DENND4C: variants seen among roughly 807,000 people sequenced by gnomAD.
DENND4C encodes the protein DENN domain containing 4C.
A neutral mutation model predicts 203.0 loss-of-function variants in DENND4C; 108 were observed. That is an observed-to-expected ratio of 0.53 (90% CI 0.46 to 0.62). The LOEUF (loss-of-function observed/expected upper bound fraction) is 0.62, where lower values mean the gene tolerates loss of function less well. Among genes scored for constraint, DENND4C ranks in the 20% least tolerant of loss-of-function variants. DENND4C has a pLI of 0.00. For missense variants in DENND4C, 2,481 were observed against 2,301.2 expected, an observed-to-expected ratio of 1.08 and a Z score of -1.60; for synonymous variants, 871 against 792.4, an observed-to-expected ratio of 1.10 and a Z score of -1.67.
At chr9:19,327,542 T>G (rs1180275280) in intron 15 of DENND4C, among the ~76,000 whole-genome samples, 1 of 152,044 alleles carries the variant, frequency 6.6e-6, no homozygotes, top group Non-Finnish European at 1.5e-5. Flanking sequence ...TGAAAATATT[T>G]AATTGGAGAA....
chr9:19,255,209 C>T (rs564303748), intron 1 of DENND4C, among the ~76,000 whole-genome samples: 1 of 152,056 alleles, frequency 6.6e-6, no homozygotes, highest in South Asian at 2.1e-4. Flanking sequence ...TCAAGACCAG[C>T]TTGGGTAGCA....
intron 20 of DENND4C, chr9:19,337,589 T>C (rs1297405016): frequency 7.9e-7 from 1 of 1,259,802 alleles, no homozygotes; most frequent in African/African-American, 1.5e-5. Context: ...GCTGTCATGG[T>C]GTGGGGTGCA....
chr9:19,321,970 A>G (rs893370713), intron 12 of DENND4C, among the ~76,000 whole-genome samples: 2 of 152,198 alleles, frequency 1.3e-5, no homozygotes, highest in Non-Finnish European at 2.9e-5. Flanking sequence ...GTAAAAAGGC[A>G]GAAGGAATAA....
intron 26 of DENND4C, among the ~76,000 whole-genome samples, chr9:19,356,090 T>G (rs535566814): frequency 6.6e-6 from 1 of 151,996 alleles, no homozygotes; most frequent in East Asian, 1.9e-4. Context: ...ATTTTAAAGG[T>G]TTTTTTTCAA....
chr9:19,305,028 T>C (rs955786952), intron 9 of DENND4C, among the ~76,000 whole-genome samples: 6 of 152,064 alleles, frequency 3.9e-5, no homozygotes, highest in Non-Finnish European at 7.4e-5. Flanking sequence ...TTTTATGATA[T>C]TTGGGGCCAT....
intron 4 of DENND4C, among the ~76,000 whole-genome samples, chr9:19,289,657 C>T (rs372655226): frequency 6.6e-6 from 1 of 151,734 alleles, no homozygotes; most frequent in Non-Finnish European, 1.5e-5. Context: ...GGTGAAACCC[C>T]GTCTCTACTA....
intron 10 of DENND4C, among the ~76,000 whole-genome samples, chr9:19,312,839 G>A (rs1841016252): frequency 6.6e-6 from 1 of 152,076 alleles, no homozygotes; most frequent in South Asian, 2.1e-4. Flanking sequence ...TTGTTAGTTT[G>A]TGCTTTTCTT....
At chr9:19,299,042 C>G (rs542016276) in intron 7 of DENND4C, among the ~76,000 whole-genome samples, 187 bp from the exon 8 acceptor site, 4 of 152,214 alleles carry the variant, frequency 2.6e-5, no homozygotes, top group Admixed American at 2.6e-4. Context: ...TGTAACACTT[C>G]TGAGTAAATA....
intron 12 of DENND4C, among the ~76,000 whole-genome samples, chr9:19,319,328 A>T (rs1342105400): frequency 1.0e-4 from 3 of 28,682 alleles, no homozygotes; most frequent in African/African-American, 2.7e-4. Context: ...ATATATATAC[A>T]TATATATACA....
intron 9 of DENND4C, among the ~76,000 whole-genome samples, chr9:19,302,594 TGTGA>T (rs1302622723): frequency 6.6e-6 from 1 of 152,240 alleles, no homozygotes; most frequent in Non-Finnish European, 1.5e-5. Context: ...CAGGATCCTT[TGTGA>T]GTGATAGTTG....
At chr9:19,352,703 C>T (rs2132088607) in intron 26 of DENND4C, 38 bp downstream of exon 26, 1 of 1,462,454 alleles carries the variant, frequency 6.8e-7, no homozygotes, top group South Asian at 1.5e-5. Flanking sequence ...AGTAAGTACC[C>T]TCAAAAAACA....
intron 23 of DENND4C, among the ~76,000 whole-genome samples, chr9:19,348,069 G>C (rs575691569): frequency 6.6e-6 from 1 of 152,094 alleles, no homozygotes. Flanking sequence ...GTTTGCTCTC[G>C]TTATTTAACA....
At chr9:19,356,790 A>G (rs12340932) in intron 26 of DENND4C, among the ~76,000 whole-genome samples, 182 bp from the exon 27 acceptor site, 2 of 117,432 alleles carry the variant, frequency 1.7e-5, no homozygotes, top group Middle Eastern at 4.2e-3. Flanking sequence ...TGTGTGTGTG[A>G]GAGAGAGAGA....
chr9:19,309,732 T>A (rs915159256), intron 10 of DENND4C, among the ~76,000 whole-genome samples: 5 of 152,114 alleles, frequency 3.3e-5, no homozygotes, highest in Non-Finnish European at 7.4e-5. Context: ...ATTTTTTTTT[T>A]TACCTTTTAA....
intron 1 of DENND4C, among the ~76,000 whole-genome samples, chr9:19,252,797 ACTATCTTGGCTCACTGCAACCTCTGCCT>A (rs1462427141): frequency 1.3e-5 from 2 of 151,610 alleles, no homozygotes; most frequent in Admixed American, 1.3e-4. Flanking sequence ...GTGCAGTGGC[ACTATCTTGGCTCACTGCAACCTCTGCCT>A]CCGGGGTTCA....
rs181229830 is a variant in DENND4C, at chr9:19,373,895, C to A, written c.*1722C>A. 6.6e-4 allele frequency among the ~76,000 whole-genome samples: 100 copies of A among 152,218 alleles called. No homozygotes were observed. Among genetic ancestry groups the A allele is most frequent in the Non-Finnish European group, 1.1e-3 (75 of 68,004 alleles). On this transcript the variant is annotated 3_prime_UTR_variant, in exon 33 of 33. Transcript: ENST00000434457. ...TTTCAACATTTCAGGGTTAATCTGACCTATGCAGAATTCTAGTGTGAATTT... is the reference window on the plus strand; with the variant it reads ...TTTCAACATTTCAGGGTTAATCTGAACTATGCAGAATTCTAGTGTGAATTT...
In DENND4C at chr9:19,326,118, A is replaced by C. The variant is rs759927619; in HGVS notation, c.2044A>C (p.Lys682Gln). ...ATTGATAGAACTAGATGATTCACAG[A>C]AAAGTGAGCATACTGTATTTATAAT... ...TRLIELDDSQKSEHTVFIMPP... is the reference protein window; with the variant it reads ...TRLIELDDSQQSEHTVFIMPP... Residue 682 changes from lysine to glutamine, a missense_variant, in exon 15 of 33, where the codon AAA becomes CAA. Physicochemically the swap from Lys to Gln is moderately conservative, Grantham distance 53. Coordinates refer to ENST00000434457, the MANE Select transcript of DENND4C (RefSeq NM_001330640.2). The C allele has an allele frequency of 6.2e-7, 1 of 1,613,208 alleles. No individual in the cohort carries two copies. The highest frequency in any genetic ancestry group is 2.2e-5 in the East Asian group (1 of 44,814).
At chr9:19,308,291 G>A (rs1268635987) in intron 10 of DENND4C, among the ~76,000 whole-genome samples, 2 of 152,196 alleles carry the variant, frequency 1.3e-5, no homozygotes, top group Non-Finnish European at 2.9e-5. Flanking sequence ...AGTTTACTCC[G>A]TCCTCAGCAG....
At chr9:19,291,332 A>G (rs919957472) in intron 5 of DENND4C, 1 of 153,294 alleles carries the variant, frequency 6.5e-6, no homozygotes, top group African/African-American at 2.4e-5. Flanking sequence ...TGAAAAATGA[A>G]TAGATTGGGA....
Sources: allele counts gnomAD v4.1 joint callset (sites outside exome capture counted in the v4.1 genomes callset), GRCh38; gene constraint gnomAD v4.1.1; transcripts MANE v1.5; gene names NCBI Gene and HGNC (gene_info 2026-07-23, HGNC 2026-07-21).